IGSF10: variants seen among roughly 807,000 people sequenced by gnomAD.
IGSF10 encodes immunoglobulin superfamily member 10, also known as calvaria mechanical force protein 608.
IGSF10 carries 126 observed loss-of-function variants against 128.2 expected under a neutral mutation model. The ratio of observed to expected loss-of-function variants is 0.98; its 90% CI spans 0.85 to 1.14. IGSF10 has a LOEUF of 1.14. IGSF10 is among the 50% of genes most tolerant of loss of function. The pLI, the probability that IGSF10 is intolerant of heterozygous loss-of-function variation, is 0.00. For missense variants in IGSF10, 3,295 were observed against 3,149.8 expected (o/e 1.05, Z -1.10); for synonymous variants, 1,185 against 1,146.2 (o/e 1.03, Z -0.68).
At chr3:151,503,209 C>CA in the IGSF10 span, among the ~76,000 whole-genome samples, 1 of 151,914 alleles carries the variant, frequency 6.6e-6, no homozygotes, top group African/African-American at 2.4e-5. Context: ...AATAAATCTT[C>CA]AAGTACAATG....
the IGSF10 span, among the ~76,000 whole-genome samples, chr3:151,510,289 C>T: frequency 5.1e-4 from 77 of 152,110 alleles, no homozygotes; most frequent in African/African-American, 1.7e-3. Flanking sequence ...TCCAGAGGAA[C>T]GATCAGGCAG....
At chr3:151,495,707 G>T in the IGSF10 span, among the ~76,000 whole-genome samples, 1 of 152,032 alleles carries the variant, frequency 6.6e-6, no homozygotes. Context: ...TGGCCAAAAG[G>T]CATCTAGCCA....
chr3:151,457,729 T>C (rs1721864157), intron 3 of IGSF10, among the ~76,000 whole-genome samples: 1 of 152,222 alleles, frequency 6.6e-6, no homozygotes, highest in Non-Finnish European at 1.5e-5. Context: ...GAGGATTAAA[T>C]GGATGCAGTG....
chr3:151,493,453 CATTTTT>C, the IGSF10 span, among the ~76,000 whole-genome samples: 1 of 152,030 alleles, frequency 6.6e-6, no homozygotes, highest in Non-Finnish European at 1.5e-5. Context: ...ACAGAGGTGC[CATTTTT>C]AATTTTTATA....
Position 151,453,518 on chromosome 3 carries a change from T to C in IGSF10, c.581A>G (p.Asp194Gly). 1 of 1,614,080 alleles carries C rather than the reference T, an allele frequency of 6.2e-7. No homozygotes were observed. Among genetic ancestry groups the C allele is most frequent in the Non-Finnish European group, 8.5e-7 (1 of 1,179,970 alleles). ...ISFIKFLYLS[D>G]NFLTSLPQEM... Reference sequence around the variant, plus strand: ...TTGAGGGAGGGAGGTCAGGAAGTTATCAGACAAGTATAGGAACTTAATGAA... The same window carrying C: ...TTGAGGGAGGGAGGTCAGGAAGTTACCAGACAAGTATAGGAACTTAATGAA... The change falls in exon 5 of 8, where the codon GAT becomes GGT. Residue 194 changes from aspartate to glycine, a missense_variant. Transcript: ENST00000282466.
chr3:151,589,871 G>A, the IGSF10 span, among the ~76,000 whole-genome samples: 1 of 152,062 alleles, frequency 6.6e-6, no homozygotes, highest in Non-Finnish European at 1.5e-5. Flanking sequence ...TCACAGCTAG[G>A]AATATATTGC....
chr3:151,594,290 G>C, the IGSF10 span, among the ~76,000 whole-genome samples: 1 of 151,096 alleles, frequency 6.6e-6, no homozygotes, highest in Non-Finnish European at 1.5e-5. Context: ...TTTTAAGAGA[G>C]CTGTGAATAA....
At chr3:151,498,111 A>T in the IGSF10 span, among the ~76,000 whole-genome samples, 1 of 152,170 alleles carries the variant, frequency 6.6e-6, no homozygotes, top group Non-Finnish European at 1.5e-5. Flanking sequence ...CAATCATGTC[A>T]TCTGTAAACA....
At chr3:151,521,606 A>G in the IGSF10 span, among the ~76,000 whole-genome samples, 1 of 151,974 alleles carries the variant, frequency 6.6e-6, no homozygotes, top group African/African-American at 2.4e-5. Context: ...GCTCCTGATG[A>G]CTTTGGGGTA....
the IGSF10 span, among the ~76,000 whole-genome samples, chr3:151,529,408 C>T: frequency 6.6e-6 from 1 of 152,222 alleles, no homozygotes; most frequent in Non-Finnish European, 1.5e-5. Flanking sequence ...TATATCTTGA[C>T]TGGGAGACAC....
chr3:151,576,420 G>C, the IGSF10 span, among the ~76,000 whole-genome samples: 1 of 151,748 alleles, frequency 6.6e-6, no homozygotes, highest in Non-Finnish European at 1.5e-5. Context: ...TCCTTGTTTT[G>C]AATATTTTCA....
At chr3:151,587,538 T>C in the IGSF10 span, among the ~76,000 whole-genome samples, 3 of 152,314 alleles carry the variant, frequency 2.0e-5, no homozygotes, top group East Asian at 5.8e-4. Context: ...TTTTATTGCT[T>C]GTATAGGATT....
At chr3:151,563,891 T>A in the IGSF10 span, among the ~76,000 whole-genome samples, 3 of 152,212 alleles carry the variant, frequency 2.0e-5, no homozygotes, top group South Asian at 6.2e-4. Context: ...AGGTAAGTGC[T>A]GTTCTTATAT....
chr3:151,476,337 G>A, the IGSF10 span, among the ~76,000 whole-genome samples: 49 of 152,274 alleles, frequency 3.2e-4, no homozygotes, highest in East Asian at 7.2e-3. Flanking sequence ...ACGAATAGGT[G>A]TGGAGAAACA....
the IGSF10 span, among the ~76,000 whole-genome samples, chr3:151,556,159 A>T: frequency 1.3e-4 from 20 of 152,268 alleles, no homozygotes; most frequent in African/African-American, 4.8e-4. Context: ...TAAAAGCTTG[A>T]TCTTTATTTT....
At chr3:151,567,153 A>G in the IGSF10 span, among the ~76,000 whole-genome samples, 1 of 152,206 alleles carries the variant, frequency 6.6e-6, no homozygotes. Context: ...CAATGATCAT[A>G]GATGAGGAAG....
chr3:151,540,704 A>C, the IGSF10 span, among the ~76,000 whole-genome samples: 1 of 152,074 alleles, frequency 6.6e-6, no homozygotes, highest in Non-Finnish European at 1.5e-5. Context: ...GCTTTTGTGG[A>C]TGTTAGCAGT....
At position 151,437,931 on chromosome 3, in the gene IGSF10, C is replaced by A. The variant is rs201112617; in HGVS notation, c.6630G>T (p.Glu2210Asp). 8 of 1,614,104 alleles carry A rather than the reference C, an allele frequency of 5.0e-6. No homozygotes were observed. Among genetic ancestry groups the A allele is most frequent in the Non-Finnish European group, 6.8e-6 (8 of 1,180,042 alleles). Residue 2210 changes from glutamate to aspartate, a missense_variant, in exon 8 of 8, where the codon GAG becomes GAT. Physicochemically the swap from Glu to Asp is conservative, Grantham distance 45. Coordinates refer to ENST00000282466, the MANE Select transcript of IGSF10 (RefSeq NM_178822.5). ...TGGGATTTCGGGCTACACATACGTACTCTCCAGAATCGAGCAGTTTCACTT... is the reference window on the plus strand; with the variant it reads ...TGGGATTTCGGGCTACACATACGTAATCTCCAGAATCGAGCAGTTTCACTT... ...INKVKLLDSG[E>D]YVCVARNPSG... is the part of the protein sequence containing the mutation.
At chr3:151,486,130 A>AAAAAC in the IGSF10 span, among the ~76,000 whole-genome samples, 9 of 152,128 alleles carry the variant, frequency 5.9e-5, no homozygotes, top group East Asian at 9.6e-4. Context: ...ATGGAAAGCA[A>AAAAAC]AAAACAAAAC....
Sources: allele counts gnomAD v4.1 joint callset (sites outside exome capture counted in the v4.1 genomes callset), GRCh38; gene constraint gnomAD v4.1.1; transcripts MANE v1.5; gene names NCBI Gene and HGNC (gene_info 2026-07-23, HGNC 2026-07-21).